TNFSF14: variants seen among roughly 807,000 people sequenced by gnomAD.
The protein encoded by TNFSF14 is tumor necrosis factor ligand superfamily member 14.
In TNFSF14, 15 loss-of-function variants were observed where a neutral mutation model predicts 22.7. That is an observed-to-expected ratio of 0.66 (90% CI 0.44 to 1.02). The LOEUF is 1.02. TNFSF14 is among the 50% of genes least tolerant of loss of function. The pLI is 0.00. For synonymous variants in TNFSF14, 133 were observed against 139.6 expected, an observed-to-expected ratio of 0.95 and a Z score of 0.33; for missense variants, 287 against 326.2, an observed-to-expected ratio of 0.88 and a Z score of 0.93.
At chr19:6,666,901 TAAATAA>T (rs1917445287) in intron 3 of TNFSF14, among the ~76,000 whole-genome samples, 2 of 109,604 alleles carry the variant, frequency 1.8e-5, no homozygotes, top group Non-Finnish European at 4.1e-5. Context: ...GTCTCAAAAA[TAAATAA>T]ATAAATAAAT....
chr19:6,669,804 G>A, intron 1 of TNFSF14, 47 bp downstream of exon 1: 1 of 1,596,884 alleles, frequency 6.3e-7, no homozygotes, highest in Non-Finnish European at 8.5e-7. Flanking sequence ...TGACACAGGG[G>A]AGCCCCCCTC....
chr19:6,666,129 AC>A (rs1248993932), intron 3 of TNFSF14, among the ~76,000 whole-genome samples: 9 of 151,826 alleles, frequency 5.9e-5, no homozygotes, highest in Non-Finnish European at 1.2e-4. Context: ...GTGGCGTCTC[AC>A]CCCTATAATC....
In TNFSF14 at chr19:6,668,686, C is replaced by T. The variant is rs1451490397; in HGVS notation, c.219+1165G>A. On this transcript the variant is annotated intron_variant, in intron 1 of 3. Coordinates refer to ENST00000675206, the MANE Select transcript of TNFSF14 (RefSeq NM_001376887.1). Reference sequence around the variant, plus strand: ...CTGCACCACTACACTACAGCCTGGGCTATGGGAGAGAAACCTTGTCTCAAA... The same window carrying T: ...CTGCACCACTACACTACAGCCTGGGTTATGGGAGAGAAACCTTGTCTCAAA... Among the ~76,000 whole-genome samples the T allele has an allele frequency of 2.0e-5, 3 of 151,530 alleles. No individual in the cohort carries two copies. The East Asian group carries it at 5.8e-4, about 29-fold the overall frequency.
intron 1 of TNFSF14, 34 bp downstream of exon 1, chr19:6,669,817 C>T: frequency 1.2e-6 from 2 of 1,604,372 alleles, no homozygotes; most frequent in East Asian, 4.5e-5. Context: ...CCCCCCTCAC[C>T]TCCACCTGCT....
intron 1 of TNFSF14, among the ~76,000 whole-genome samples, chr19:6,667,907 G>C (rs1447659689): frequency 6.6e-5 from 10 of 152,162 alleles, no homozygotes; most frequent in Non-Finnish European, 1.2e-4. Flanking sequence ...TGGGCCTGGT[G>C]GTGGGTGCCT....
chr19:6,666,453 G>A (rs537260948), intron 3 of TNFSF14, among the ~76,000 whole-genome samples: 73 of 149,962 alleles, frequency 4.9e-4, no homozygotes, highest in Non-Finnish European at 8.6e-4. Context: ...AGAAACCAAA[G>A]CGGCACCTCG....
In TNFSF14 at chr19:6,670,011, G is replaced by A. The variant is rs2145379008; in HGVS notation, c.59C>T (p.Pro20Leu). ...VFVVDGQTDI[P>L]FTRLGRSHRR... ...GTGGCTTCGTCCCAGCCTCGTGAATGGGATGTCGGTCTGTCCATCCACCAC... is the reference window on the plus strand; with the variant it reads ...GTGGCTTCGTCCCAGCCTCGTGAATAGGATGTCGGTCTGTCCATCCACCAC... Residue 20 changes from proline to leucine, a missense_variant, in exon 1 of 4, where the codon CCA becomes CTA. Pro to Leu is a moderately conservative substitution (Grantham distance 98). Transcript: ENST00000675206. 2 of 1,614,164 alleles carry A rather than the reference G, an allele frequency of 1.2e-6. No individual in the cohort carries two copies. Among genetic ancestry groups the A allele is most frequent in the South Asian group, 1.1e-5 (1 of 91,072 alleles).
chr19:6,667,193 G>A, intron 2 of TNFSF14, 39 bp from the exon 3 acceptor site: 3 of 1,530,818 alleles, frequency 2.0e-6, no homozygotes, highest in South Asian at 1.2e-5. Flanking sequence ...CGAAGACAGT[G>A]GAGGTAAAAA....
At chr19:6,668,992 G>T (rs553223353) in intron 1 of TNFSF14, among the ~76,000 whole-genome samples, 3 of 152,198 alleles carry the variant, frequency 2.0e-5, no homozygotes, top group African/African-American at 7.2e-5. Flanking sequence ...ATATGGACAC[G>T]AATGTGTGGC....
At chr19:6,669,763 C>CACACACACAG (rs1568204193) in intron 1 of TNFSF14, 88 bp downstream of exon 1, 1 of 1,548,076 alleles carries the variant, frequency 6.5e-7, no homozygotes, top group African/African-American at 1.4e-5. Flanking sequence ...CACACACACA[C>CACACACACAG]ACACACACAC....
Position 6,665,027 on chromosome 19 carries a change from G to A in TNFSF14, c.622C>T (p.His208Tyr), listed in dbSNP as rs1390812610. Residue 208 changes from histidine to tyrosine, a missense_variant, in exon 4 of 4, where the codon CAC becomes TAC. By Grantham distance (83) the His-to-Tyr change is moderately conservative (BLOSUM62 2). Coordinates refer to ENST00000675206, the MANE Select transcript of TNFSF14 (RefSeq NM_001376887.1). ...WDSSFLGGVV[H>Y]LEAGEKVVVR... ...ACCACCTTCTCCCCAGCCTCCAGGT[G>A]TACCACACCACCCAGGAAGCTGCTG... The A allele has an allele frequency of 3.1e-6, 5 of 1,614,016 alleles. No individual in the cohort carries two copies. Among genetic ancestry groups the A allele is most frequent in the African/African-American group, 1.3e-5 (1 of 74,938 alleles).
intron 1 of TNFSF14, among the ~76,000 whole-genome samples, chr19:6,669,150 T>C (rs1599489025): frequency 6.6e-6 from 1 of 151,998 alleles, no homozygotes. Context: ...CAGATGGAAA[T>C]GGTCAGAGAA....
chr19:6,666,672 G>A (rs1917436283), intron 3 of TNFSF14, among the ~76,000 whole-genome samples: 1 of 152,176 alleles, frequency 6.6e-6, no homozygotes, highest in South Asian at 2.1e-4. Flanking sequence ...AAGGCGGGAG[G>A]ATCACCTGAG....
In TNFSF14 at chr19:6,664,902, G is replaced by C; in HGVS notation, c.*24C>G. The C allele has an allele frequency of 6.4e-7, 1 of 1,560,616 alleles. No individual in the cohort carries two copies. The highest frequency in any genetic ancestry group is 1.2e-5 in the South Asian group (1 of 83,148). ...TGAGTTCTCCACGTGTCAGACCCAT[G>C]TCCAATGCACCACGCTCCTTCCTTC... is the stretch of plus-strand genomic sequence containing the variant. On this transcript the variant is annotated 3_prime_UTR_variant, in exon 4 of 4. Coordinates refer to ENST00000675206, the MANE Select transcript of TNFSF14 (RefSeq NM_001376887.1). The surrounding 1 kb of genome is among the most constrained non-coding windows in gnomAD (Gnocchi z 4.7).
At chr19:6,669,818 T>C in intron 1 of TNFSF14, 33 bp downstream of exon 1, 6 of 1,597,412 alleles carry the variant, frequency 3.8e-6, no homozygotes, top group Non-Finnish European at 5.1e-6. Flanking sequence ...CCCCCTCACC[T>C]CCACCTGCTC....
Position 6,664,861 on chromosome 19 carries a change from C to T in TNFSF14, c.*65G>A. On this transcript the variant is annotated 3_prime_UTR_variant, in exon 4 of 4. Coordinates refer to ENST00000675206, the MANE Select transcript of TNFSF14 (RefSeq NM_001376887.1). The surrounding 1 kb of genome is among the most constrained non-coding windows in gnomAD (Gnocchi z 4.7). ...AGCCTCTGCTTCGTGAGTTTTCTTT[C>T]CCCTGAGGCACCCTCTGAGTTCTCC... The T allele has an allele frequency of 1.3e-6, 2 of 1,514,638 alleles. No individual in the cohort carries two copies. The highest frequency in any genetic ancestry group is 1.8e-6 in the Non-Finnish European group (2 of 1,129,466). 93.8% of individuals were successfully genotyped at this position (1,514,638 alleles called of 1,614,324 possible).
At chr19:6,667,548 G>A in intron 1 of TNFSF14, 99 bp from the exon 2 acceptor site, 6 of 1,332,620 alleles carry the variant, frequency 4.5e-6, no homozygotes, top group South Asian at 2.9e-5. Context: ...CATAGCCACC[G>A]ACACCACCCT....
intron 1 of TNFSF14, 77 bp from the exon 2 acceptor site, chr19:6,667,526 A>T: frequency 6.7e-7 from 1 of 1,495,008 alleles, no homozygotes. Context: ...CATGGCTATG[A>T]GACATGAGGA....
chr19:6,670,489 C>G, upstream of TNFSF14: 1 of 191,678 alleles, frequency 5.2e-6, no homozygotes, highest in Admixed American at 5.4e-5. Flanking sequence ...TGCTCCTCTT[C>G]TGGTGGAGCC....
Sources: gnomAD v4.1 joint callset for allele counts (sites outside exome capture counted in the v4.1 genomes callset) on GRCh38, gnomAD v4.1.1 for gene constraint, Gnocchi (gnomAD v3.1) non-coding constraint, MANE v1.5 for transcripts, NCBI Gene and HGNC (gene_info 2026-07-23, HGNC 2026-07-21) for gene names.